Variants in HS6ST2 observed in about 807,000 individuals in gnomAD.
HS6ST2 encodes the protein heparan sulfate 6-O-sulfotransferase 2, also known as heparan-sulfate 6-O-sulfotransferase 2.
HS6ST2 carries 17 observed loss-of-function variants against 33.0 expected under a neutral mutation model. The ratio of observed to expected loss-of-function variants is 0.52; its 90% CI spans 0.35 to 0.77. The LOEUF is 0.77. Ranked by LOEUF, HS6ST2 falls within the 30% of genes least tolerant of loss-of-function variation. HS6ST2 has a pLI of 0.01. For synonymous variants in HS6ST2, 248 were observed against 237.1 expected, an observed-to-expected ratio of 1.05 and a Z score of -0.42; for missense variants, 519 against 551.7, an observed-to-expected ratio of 0.94 and a Z score of 0.59.
chrX:132,877,526 GT>G (rs1488322751), intron 2 of HS6ST2, among the ~76,000 whole-genome samples: 1 of 111,341 alleles, frequency 9.0e-6, no homozygotes, highest in Non-Finnish European at 1.9e-5. Flanking sequence ...TGGGGCTTGA[GT>G]CCTTCAGCTC....
intron 2 of HS6ST2, among the ~76,000 whole-genome samples, chrX:132,942,169 T>G (rs1367141673): frequency 9.0e-6 from 1 of 111,558 alleles, no homozygotes; most frequent in African/African-American, 3.3e-5. Context: ...ATCACAAAAA[T>G]AAGTATTTTT....
At chrX:132,636,102 A>G (rs888082093) in intron 4 of HS6ST2, among the ~76,000 whole-genome samples, 1 of 111,496 alleles carries the variant, frequency 9.0e-6, no homozygotes, top group Non-Finnish European at 1.9e-5. Context: ...CCGCTGGACT[A>G]TGAGCTCTGG....
Position 132,688,197 on chromosome X carries a change from G to A in HS6ST2, c.981-18998C>T, listed in dbSNP as rs977056697. Among the ~76,000 whole-genome samples, 7 of 111,797 alleles carry A rather than the reference G, an allele frequency of 6.3e-5. No homozygotes were observed. In the East Asian group the frequency reaches 2.0e-3, roughly 31 times the overall value. On this transcript the variant is annotated intron_variant, in intron 3 of 4. Transcript: ENST00000370833. ...GCAGAGCAGAAAAGCCAGGGGATGG[G>A]GATGACAGGAACCTTTCTCCTAGGC... is the stretch of plus-strand genomic sequence containing the variant.
intron 2 of HS6ST2, among the ~76,000 whole-genome samples, chrX:132,848,074 G>A (rs2065769156): frequency 8.9e-6 from 1 of 112,168 alleles, no homozygotes; most frequent in African/African-American, 3.2e-5. Context: ...GGATCTTCCA[G>A]CCCTTAGATT....
chrX:132,937,288 C>T (rs1011895344), intron 2 of HS6ST2, among the ~76,000 whole-genome samples: 7 of 111,801 alleles, frequency 6.3e-5, no homozygotes, highest in Non-Finnish European at 1.1e-4. Flanking sequence ...TCTACAGATT[C>T]AATGCAATCC....
At chrX:132,822,535 T>C (rs2065470635) in intron 2 of HS6ST2, among the ~76,000 whole-genome samples, 1 of 111,764 alleles carries the variant, frequency 8.9e-6, no homozygotes, top group Non-Finnish European at 1.9e-5. Context: ...CTATGTCAGT[T>C]TCAAATATAT....
intron 2 of HS6ST2, among the ~76,000 whole-genome samples, chrX:132,833,913 G>A (rs1190584349): frequency 9.0e-6 from 1 of 110,949 alleles, no homozygotes; most frequent in African/African-American, 3.3e-5. Context: ...AATGACCGCT[G>A]TTAAGGATGA....
intron 2 of HS6ST2, among the ~76,000 whole-genome samples, chrX:132,843,364 A>G (rs1357864189): frequency 8.9e-6 from 1 of 112,136 alleles, no homozygotes; most frequent in Non-Finnish European, 1.9e-5. Flanking sequence ...AAGCATCAAG[A>G]TGTCCTTAAT....
chrX:132,785,903 C>T lies in HS6ST2; in HGVS notation c.948-77409G>A, dbSNP rs5933193. Among the ~76,000 whole-genome samples, 529 of 111,506 alleles carry T rather than the reference C, an allele frequency of 4.7e-3. 5 individuals carry two copies. The highest frequency in any genetic ancestry group is 8.0e-3 in the Non-Finnish European group (425 of 53,114). On this transcript the variant is annotated intron_variant, in intron 2 of 4. Coordinates refer to ENST00000370833, the MANE Select transcript of HS6ST2 (RefSeq NM_001394073.1). ...AAAGGGCACTGCACTGGGAGACAGC[C>T]GAGTCCATTCTTGGATCTGCTGCTA...
At chrX:132,925,843 G>A (rs2066704793) in intron 2 of HS6ST2, among the ~76,000 whole-genome samples, 1 of 111,875 alleles carries the variant, frequency 8.9e-6, no homozygotes, top group Non-Finnish European at 1.9e-5. Context: ...CAACTTATAC[G>A]TTATAAAGCC....
At chrX:132,927,598 GT>G (rs1300779479) in intron 2 of HS6ST2, among the ~76,000 whole-genome samples, 3 of 111,486 alleles carry the variant, frequency 2.7e-5, no homozygotes, top group Non-Finnish European at 3.8e-5. Context: ...TCCTTGACTG[GT>G]TATGGATCCT....
At chrX:132,728,766 T>G (rs2064424046) in intron 2 of HS6ST2, among the ~76,000 whole-genome samples, 1 of 112,446 alleles carries the variant, frequency 8.9e-6, no homozygotes, top group African/African-American at 3.2e-5. Context: ...GGCACTTAGA[T>G]CCCATGGTAT....
chrX:132,914,791 G>T (rs1477367951), intron 2 of HS6ST2, among the ~76,000 whole-genome samples: 1 of 112,245 alleles, frequency 8.9e-6, no homozygotes, highest in African/African-American at 3.2e-5. Context: ...AGCTGGGCTT[G>T]CTCTCTCAAA....
At chrX:132,920,244 G>A in intron 2 of HS6ST2, among the ~76,000 whole-genome samples, 1 of 110,925 alleles carries the variant, frequency 9.0e-6, no homozygotes, top group Middle Eastern at 4.6e-3. Flanking sequence ...GTAGGTCTCA[G>A]AAAGCACAGC....
intron 2 of HS6ST2, among the ~76,000 whole-genome samples, chrX:132,803,605 C>T (rs968032044): frequency 2.2e-4 from 24 of 111,307 alleles, no homozygotes; most frequent in African/African-American, 6.5e-4. Context: ...GATGGGGTTT[C>T]GCCATGTTGG....
At chrX:132,712,467 G>A (rs962646659) in intron 2 of HS6ST2, among the ~76,000 whole-genome samples, 8 of 112,272 alleles carry the variant, frequency 7.1e-5, no homozygotes, top group Non-Finnish European at 1.1e-4. Flanking sequence ...CAAACTGGTG[G>A]AGGTGAATGG....
chrX:132,956,194 G>A (rs1175238065), intron 2 of HS6ST2, among the ~76,000 whole-genome samples: 1 of 111,202 alleles, frequency 9.0e-6, no homozygotes, highest in Non-Finnish European at 1.9e-5. Context: ...ATAAAAGTCC[G>A]GCAAGAAGAG....
chrX:132,897,055 C>T (rs2066382991), intron 2 of HS6ST2, among the ~76,000 whole-genome samples: 1 of 111,472 alleles, frequency 9.0e-6, no homozygotes, highest in African/African-American at 3.3e-5. Context: ...AGGAACATGA[C>T]ATTTAAAGGC....
chrX:132,777,854 T>G (rs1016422392), intron 2 of HS6ST2, among the ~76,000 whole-genome samples: 4 of 111,235 alleles, frequency 3.6e-5, no homozygotes, highest in African/African-American at 1.3e-4. Context: ...GGACAGCGAG[T>G]AGTTGAGGGG....
Sources: allele counts gnomAD v4.1 joint callset (sites outside exome capture counted in the v4.1 genomes callset), GRCh38; gene constraint gnomAD v4.1.1; transcripts MANE v1.5; gene names NCBI Gene and HGNC (gene_info 2026-07-23, HGNC 2026-07-21).